SCAMP1: variants seen among roughly 807,000 people sequenced by gnomAD.
SCAMP1 encodes secretory carrier membrane protein 1, also known as secretory carrier-associated membrane protein 1.
SCAMP1 carries 15 observed loss-of-function variants against 41.8 expected under a neutral mutation model. The observed-to-expected ratio is 0.36, with a 90% confidence interval of 0.24 to 0.55. The LOEUF (loss-of-function observed/expected upper bound fraction) is 0.55, where lower values mean the gene tolerates loss of function less well. Ranked by LOEUF, SCAMP1 falls within the 20% of genes least tolerant of loss-of-function variation. SCAMP1 has a pLI of 0.86. For missense variants in SCAMP1, 341 were observed against 412.6 expected (o/e 0.83, Z 1.50); for synonymous variants, 135 against 136.8 (o/e 0.99, Z 0.09).
intron 6 of SCAMP1, among the ~76,000 whole-genome samples, chr5:78,440,978 A>G (rs1752906952): frequency 6.6e-6 from 1 of 152,192 alleles, no homozygotes; most frequent in Non-Finnish European, 1.5e-5. Context: ...AGTAGTGAGC[A>G]AGGCTCTGTG....
intron 7 of SCAMP1, chr5:78,457,996 G>C (rs1753473905): frequency 6.5e-6 from 1 of 152,792 alleles, no homozygotes; most frequent in African/African-American, 2.4e-5. Flanking sequence ...GGAACTCCCT[G>C]ACCTCTTGCG....
intron 8 of SCAMP1, among the ~76,000 whole-genome samples, chr5:78,471,469 T>G (rs1469821490): frequency 4.6e-5 from 7 of 152,092 alleles, no homozygotes; most frequent in Non-Finnish European, 8.8e-5. Context: ...AAAAAATATA[T>G]TTAAAAAACT....
At chr5:78,445,904 A>G (rs1173998389) in intron 6 of SCAMP1, among the ~76,000 whole-genome samples, 2 of 152,264 alleles carry the variant, frequency 1.3e-5, no homozygotes, top group East Asian at 3.8e-4. Flanking sequence ...GTGCTGGGAT[A>G]TGGAGTTTAT....
chr5:78,463,893 T>C (rs1403842116), intron 8 of SCAMP1, among the ~76,000 whole-genome samples: 2 of 151,860 alleles, frequency 1.3e-5, no homozygotes, highest in African/African-American at 2.4e-5. Flanking sequence ...GAAACACTTA[T>C]TGAATACCTA....
At chr5:78,417,034 G>C (rs1752227146) in intron 4 of SCAMP1, among the ~76,000 whole-genome samples, 1 of 152,162 alleles carries the variant, frequency 6.6e-6, no homozygotes, top group Admixed American at 6.5e-5. Context: ...GTTAATTTCA[G>C]ATTATCTGCC....
intron 6 of SCAMP1, among the ~76,000 whole-genome samples, chr5:78,428,720 A>G (rs1332225935): frequency 6.6e-6 from 1 of 152,066 alleles, no homozygotes. Flanking sequence ...GAGAATTAAT[A>G]CCCTGACAGC....
intron 6 of SCAMP1, among the ~76,000 whole-genome samples, chr5:78,443,244 T>C (rs564279909): frequency 2.7e-5 from 4 of 150,002 alleles, no homozygotes; most frequent in Non-Finnish European, 5.9e-5. Context: ...AAAAGAATTT[T>C]ACCTTAATAG....
chr5:78,451,649 T>TTTGA (rs543379967), intron 7 of SCAMP1, among the ~76,000 whole-genome samples: 3,826 of 152,206 alleles, frequency 0.025, 161 homozygotes, highest in African/African-American at 0.086. Flanking sequence ...TTTATTCTAA[T>TTTGA]TTGATTGATT....
chr5:78,427,995 G>A (rs1211059482), intron 6 of SCAMP1, among the ~76,000 whole-genome samples: 2 of 152,102 alleles, frequency 1.3e-5, no homozygotes, highest in African/African-American at 4.8e-5. Flanking sequence ...TTTTATCCCA[G>A]TGTGTGGCTT....
chr5:78,432,935 A>G (rs2112170596), intron 6 of SCAMP1, among the ~76,000 whole-genome samples: 1 of 151,522 alleles, frequency 6.6e-6, no homozygotes, highest in East Asian at 1.9e-4. Context: ...ATTCTTTTTT[A>G]CTTTTGCATT....
At chr5:78,423,010 GCGCGCGCACACACACACACACA>G (rs71594646) in intron 6 of SCAMP1, among the ~76,000 whole-genome samples, 10 of 34,594 alleles carry the variant, frequency 2.9e-4, no homozygotes, top group Non-Finnish European at 5.7e-4. Context: ...TAACACACGC[GCGCGCGCACACACACACACACA>G]CACACACACA....
At chr5:78,398,541 A>AATTTTTTTTTTTTTTTTTT in intron 2 of SCAMP1, among the ~76,000 whole-genome samples, 1 of 44,226 alleles carries the variant, frequency 2.3e-5, no homozygotes, top group Admixed American at 3.5e-4. Context: ...AAGGTTCACT[A>AATTTTTTTTTTTTTTTTTT]TTTTTTTTTT....
rs373080298 is a variant in SCAMP1, at chr5:78,421,817, G to A, written c.489G>A (p.Leu163=). The change falls in exon 6 of 9, where the codon CTG becomes CTA. Residue 163 remains leucine, a synonymous_variant. Coordinates refer to ENST00000621999, the MANE Select transcript of SCAMP1 (RefSeq NM_004866.6). ...YYLWMFHAVT[L]FLNIFGCLAW... is the part of the protein sequence containing the mutation. The stretch of plus-strand genomic sequence containing the variant: ...ATTCCACAGTCCATGCAGTAACACT[G>A]TTTCTAAATATCTTCGGATGCTTGG... 2 of 1,613,684 alleles carry A rather than the reference G, an allele frequency of 1.2e-6. No individual in the cohort carries two copies. Among genetic ancestry groups the A allele is most frequent in the Non-Finnish European group, 1.7e-6 (2 of 1,179,760 alleles).
chr5:78,459,851 T>G (rs560257804), intron 8 of SCAMP1, among the ~76,000 whole-genome samples: 4 of 152,220 alleles, frequency 2.6e-5, no homozygotes, highest in African/African-American at 9.7e-5. Context: ...TGGGCTTCTA[T>G]TGAACCCATC....
chr5:78,364,188 G>C (rs1375505231), intron 1 of SCAMP1, among the ~76,000 whole-genome samples: 1 of 152,184 alleles, frequency 6.6e-6, no homozygotes, highest in East Asian at 1.9e-4. Flanking sequence ...ATGAATGAAA[G>C]GGGAGAGTTT....
At chr5:78,460,171 G>C (rs566597662) in intron 8 of SCAMP1, among the ~76,000 whole-genome samples, 1 of 152,190 alleles carries the variant, frequency 6.6e-6, no homozygotes, top group Admixed American at 6.5e-5. Flanking sequence ...CGCTTAGGTT[G>C]ATTCTGTGAC....
At chr5:78,384,318 T>C (rs976956459) in intron 1 of SCAMP1, among the ~76,000 whole-genome samples, 17 of 152,226 alleles carry the variant, frequency 1.1e-4, no homozygotes, top group Admixed American at 9.2e-4. Flanking sequence ...TCCTGAAACT[T>C]TGCTGAATTC....
intron 1 of SCAMP1, among the ~76,000 whole-genome samples, chr5:78,387,013 C>T (rs891442626): frequency 1.3e-5 from 2 of 152,140 alleles, no homozygotes; most frequent in East Asian, 1.9e-4. Context: ...CTAGCAAGGC[C>T]GGGGAAGTTT....
intron 1 of SCAMP1, among the ~76,000 whole-genome samples, chr5:78,366,656 A>C (rs1163519310): frequency 6.6e-6 from 1 of 152,228 alleles, no homozygotes; most frequent in Non-Finnish European, 1.5e-5. Flanking sequence ...CTTGACAATG[A>C]TACTTACAAG....
Sources: gnomAD v4.1 joint callset for allele counts (sites outside exome capture counted in the v4.1 genomes callset) on GRCh38, gnomAD v4.1.1 for gene constraint, MANE v1.5 for transcripts, NCBI Gene and HGNC (gene_info 2026-07-23, HGNC 2026-07-21) for gene names.